The following FBXW11 variants were observed in gnomAD, a reference collection of about 807,000 sequenced individuals.
FBXW11 encodes F-box and WD repeat domain containing 11, also known as F-box/WD repeat-containing protein 11.
Under a neutral mutation model 77.6 loss-of-function variants are expected in FBXW11, and 19 were observed. The observed-to-expected ratio is 0.24, with a 90% CI of 0.17 to 0.36. The LOEUF (loss-of-function observed/expected upper bound fraction) is 0.36. Ranked by LOEUF, FBXW11 falls within the 10% of genes least tolerant of loss-of-function variation. The pLI is 1.00. For synonymous variants in FBXW11, 235 were observed against 249.4 expected, an observed-to-expected ratio of 0.94 and a Z score of 0.54; for missense variants, 334 against 704.2, an observed-to-expected ratio of 0.47 and a Z score of 5.95.
chr5:171,919,871 A>G (rs1761480886), intron 2 of FBXW11, among the ~76,000 whole-genome samples: 1 of 152,142 alleles, frequency 6.6e-6, no homozygotes, highest in African/African-American at 2.4e-5. Flanking sequence ...CAAAGAAAAC[A>G]CAGGCTGGGC....
chr5:171,885,808 G>A (rs920294868), intron 7 of FBXW11, among the ~76,000 whole-genome samples: 3 of 152,196 alleles, frequency 2.0e-5, no homozygotes, highest in African/African-American at 7.2e-5. Flanking sequence ...TTTTATAAAT[G>A]AGGTAGACAC....
At chr5:171,872,316 T>C (rs892905213) in intron 10 of FBXW11, among the ~76,000 whole-genome samples, 3 of 152,230 alleles carry the variant, frequency 2.0e-5, no homozygotes, top group Admixed American at 6.5e-5. Flanking sequence ...ACTTATGTAA[T>C]GCCACTAGAG....
chr5:172,005,243 T>G (rs576754492), intron 1 of FBXW11, among the ~76,000 whole-genome samples: 1 of 152,322 alleles, frequency 6.6e-6, no homozygotes, highest in African/African-American at 2.4e-5. Flanking sequence ...CTGGGTTAAG[T>G]AGATTCTTCC....
chr5:171,981,102 A>G (rs2113491102), intron 1 of FBXW11, among the ~76,000 whole-genome samples: 2 of 152,198 alleles, frequency 1.3e-5, no homozygotes, highest in East Asian at 3.9e-4. Context: ...CCAATGATTA[A>G]TCATTAATTA....
rs866029937 is a variant in FBXW11 at position 171,921,683 on chromosome 5, T to C, written c.148-7278A>G. Among the ~76,000 whole-genome samples the C allele has an allele frequency of 4.8e-4, 73 of 152,308 alleles. 1 individual carries two copies. Among genetic ancestry groups the C allele is most frequent in the African/African-American group, 1.5e-3 (61 of 41,560 alleles). On this transcript the variant is annotated intron_variant, in intron 2 of 13. Transcript: ENST00000517395. ...TCAAATTAAAAGGAAAGCAAGGGTC[T>C]TTATTGCAAGGAGAGCAATATTTAC...
chr5:171,978,805 A>G (rs776410006), intron 1 of FBXW11, among the ~76,000 whole-genome samples: 4 of 152,236 alleles, frequency 2.6e-5, no homozygotes, highest in Non-Finnish European at 5.9e-5. Context: ...GAAGCAGCAG[A>G]GCAGAACTAC....
intron 7 of FBXW11, 86 bp downstream of exon 7, chr5:171,891,381 T>G: frequency 4.6e-6 from 6 of 1,311,736 alleles, no homozygotes; most frequent in Non-Finnish European, 5.1e-6. Context: ...AAAACCAATC[T>G]AGAGTAAATG....
In FBXW11 at chr5:171,901,623, G is replaced by C. The variant is rs73801500; in HGVS notation, c.437-1523C>G. On this transcript the variant is annotated intron_variant, in intron 4 of 13. Transcript: ENST00000517395. ...GTCATTTACAGTTAATGTGGTCAAA[G>C]GCTGCACTGCCTTCATCTGATAGTC... Among the ~76,000 whole-genome samples the C allele has an allele frequency of 6.7e-3, 1,021 of 152,276 alleles. 14 individuals carry two copies. The highest frequency in any genetic ancestry group is 0.024 in the African/African-American group (985 of 41,548).
intron 1 of FBXW11, among the ~76,000 whole-genome samples, chr5:171,969,163 G>A (rs1443689857): frequency 6.6e-6 from 1 of 152,174 alleles, no homozygotes; most frequent in East Asian, 1.9e-4. Flanking sequence ...AGGTGCTCAG[G>A]AGTCTGAGCC....
chr5:171,913,458 C>T (rs1390301110), intron 3 of FBXW11, among the ~76,000 whole-genome samples: 1 of 152,148 alleles, frequency 6.6e-6, no homozygotes, highest in Admixed American at 6.5e-5. Context: ...GTACAAAACT[C>T]AGTCTGTACA....
intron 2 of FBXW11, among the ~76,000 whole-genome samples, chr5:171,927,233 T>C (rs549059650): frequency 1.3e-5 from 2 of 152,370 alleles, no homozygotes; most frequent in African/African-American, 4.8e-5. Flanking sequence ...TTGAAAATGC[T>C]TGAAAACTGA....
chr5:171,871,668 A>G (rs899026313), intron 10 of FBXW11, among the ~76,000 whole-genome samples: 4 of 152,236 alleles, frequency 2.6e-5, no homozygotes, highest in African/African-American at 9.6e-5. Flanking sequence ...AATCATAGCT[A>G]GTTAGCATGT....
At chr5:171,933,934 A>C (rs1245376800) in intron 2 of FBXW11, among the ~76,000 whole-genome samples, 1 of 152,198 alleles carries the variant, frequency 6.6e-6, no homozygotes, top group East Asian at 1.9e-4. Context: ...GGAGGGAAAA[A>C]CAGAGAGAAC....
At chr5:171,878,800 T>A (rs1488737015) in intron 7 of FBXW11, among the ~76,000 whole-genome samples, 1 of 151,920 alleles carries the variant, frequency 6.6e-6, no homozygotes, top group Non-Finnish European at 1.5e-5. Flanking sequence ...TCATTTTATT[T>A]TTATGTCTCA....
chr5:171,899,073 G>A lies in FBXW11; in HGVS notation c.645C>T (p.Asn215=), dbSNP rs1251763704. ...AATTTGGAGGGCCATCTGTGGGTCTGTTTTTAAACAGGTACTGATCCCTGG... is the reference window on the plus strand; with the variant it reads ...AATTTGGAGGGCCATCTGTGGGTCTATTTTTAAACAGGTACTGATCCCTGG... ...RRGWDQYLFK[N]RPTDGPPNSF... Residue 215 remains asparagine (N), a synonymous_variant, in exon 6 of 14, where the codon AAC becomes AAT. Coordinates refer to ENST00000517395, the MANE Select transcript of FBXW11 (RefSeq NM_001378974.1). 6.2e-7 allele frequency: 1 copy of A among 1,607,894 alleles called. No individual in the cohort carries two copies. Among genetic ancestry groups the A allele is most frequent in the Non-Finnish European group, 8.5e-7 (1 of 1,177,704 alleles).
chr5:171,964,691 C>G (rs1018191754), intron 1 of FBXW11, among the ~76,000 whole-genome samples: 1 of 152,188 alleles, frequency 6.6e-6, no homozygotes, highest in Non-Finnish European at 1.5e-5. Context: ...AAAGAGCACT[C>G]TCACCACCAT....
At chr5:171,891,755 C>T (rs887118594) in intron 6 of FBXW11, 151 bp from the exon 7 acceptor site, 5 of 666,848 alleles carry the variant, frequency 7.5e-6, no homozygotes, top group African/African-American at 5.6e-5. Context: ...TGCTCTTTTC[C>T]AAGTAAGACA....
intron 7 of FBXW11, among the ~76,000 whole-genome samples, chr5:171,891,071 T>C (rs138902620): frequency 2.6e-3 from 400 of 152,296 alleles, no homozygotes; most frequent in Non-Finnish European, 4.7e-3. Context: ...GAAAAGTTAA[T>C]GAAAACAATA....
In FBXW11 at chr5:171,877,993, T is replaced by C. The variant is rs2113784180; in HGVS notation, c.971+18A>G. On this transcript the variant is annotated intron_variant, in intron 8 of 13. Coordinates refer to ENST00000517395, the MANE Select transcript of FBXW11 (RefSeq NM_001378974.1). Reference sequence around the variant, plus strand: ...GGGAAGGCTTACAAGTTAAGAACAATGAAGCCAGATCACTCACCTCACCGT... The same window carrying C: ...GGGAAGGCTTACAAGTTAAGAACAACGAAGCCAGATCACTCACCTCACCGT... The C allele has an allele frequency of 1.9e-6, 3 of 1,567,854 alleles. No individual in the cohort carries two copies. Among genetic ancestry groups the C allele is most frequent in the East Asian group, 2.2e-5 (1 of 44,612 alleles).
Sources: gnomAD v4.1 joint callset for allele counts (sites outside exome capture counted in the v4.1 genomes callset) on GRCh38, gnomAD v4.1.1 for gene constraint, MANE v1.5 for transcripts, NCBI Gene and HGNC (gene_info 2026-07-23, HGNC 2026-07-21) for gene names.